Variants in CSMD2 observed in about 807,000 individuals in gnomAD.
CSMD2 encodes CUB and Sushi multiple domains 2.
CSMD2 carries 130 observed loss-of-function variants against 398.5 expected under a neutral mutation model. The ratio of observed to expected loss-of-function variants is 0.33; its 90% CI spans 0.28 to 0.38. The LOEUF is 0.38. Ranked by LOEUF, CSMD2 falls within the 10% of genes least tolerant of loss-of-function variation. The pLI is 1.00. For missense variants in CSMD2, 3,829 were observed against 4,764.9 expected (o/e 0.80, Z 5.78); for synonymous variants, 1,828 against 1,908.5 (o/e 0.96, Z 1.10).
chr1:33,757,791 CTCATAT>C (rs1193932313), intron 13 of CSMD2, among the ~76,000 whole-genome samples: 2 of 152,244 alleles, frequency 1.3e-5, no homozygotes, highest in African/African-American at 4.8e-5. Context: ...CTCCCTCGCT[CTCATAT>C]TCAATCAGTA....
intron 10 of CSMD2, among the ~76,000 whole-genome samples, chr1:33,794,815 G>A (rs1654749701): frequency 6.6e-6 from 1 of 152,052 alleles, no homozygotes; most frequent in South Asian, 2.1e-4. Flanking sequence ...CCTGTAGCAA[G>A]GTCTAGGTGA....
At chr1:33,920,542 CAAAAA>C (rs58865984) in intron 4 of CSMD2, among the ~76,000 whole-genome samples, 2 of 84,214 alleles carry the variant, frequency 2.4e-5, no homozygotes, top group African/African-American at 3.7e-5. Flanking sequence ...CAATCTGTCT[CAAAAA>C]AAAAAAAAAA....
At chr1:33,904,798 C>T (rs987349620) in intron 5 of CSMD2, among the ~76,000 whole-genome samples, 1 of 152,084 alleles carries the variant, frequency 6.6e-6, no homozygotes, top group Non-Finnish European at 1.5e-5. Flanking sequence ...AGTCGCCCAC[C>T]ACCATACCCA....
Position 33,724,648 on chromosome 1 carries a change from G to A in CSMD2, c.2752C>T (p.Arg918Cys). ...LDPGIPVNGQ[R>C]HGNDFYVGAL... ...CCCACGTAGAAGTCATTCCCATGAC[G>A]CTGTCCATTTACTGGGATTCCTGGA... The change falls in exon 18 of 71, where the codon CGT (arginine) becomes TGT (cysteine). Residue 918 changes from arginine (R) to cysteine (C), a missense_variant. Transcript: ENST00000373381. 6.2e-7 allele frequency: 1 copy of A among 1,614,162 alleles called. No individual in the cohort carries two copies. The highest frequency in any genetic ancestry group is 8.5e-7 in the Non-Finnish European group (1 of 1,180,038).
chr1:33,854,164 C>T (rs2125096677), intron 5 of CSMD2, among the ~76,000 whole-genome samples: 1 of 152,312 alleles, frequency 6.6e-6, no homozygotes, highest in South Asian at 2.1e-4. Flanking sequence ...GTTGCTAGGT[C>T]TGGTTTACTT....
chr1:34,021,671 A>G (rs1648905809), intron 3 of CSMD2, among the ~76,000 whole-genome samples: 2 of 152,224 alleles, frequency 1.3e-5, no homozygotes, highest in South Asian at 4.1e-4. Context: ...ATAGAGTTCA[A>G]TGCAGAAAAT....
intron 5 of CSMD2, among the ~76,000 whole-genome samples, chr1:33,895,937 AG>A (rs1642357941): frequency 1.3e-5 from 2 of 152,294 alleles, no homozygotes; most frequent in South Asian, 4.1e-4. Context: ...ACCTTGACCC[AG>A]TCCCTGATGA....
At chr1:33,889,752 C>CGTGT (rs1641855087) in intron 5 of CSMD2, among the ~76,000 whole-genome samples, 2 of 82,866 alleles carry the variant, frequency 2.4e-5, no homozygotes, top group East Asian at 8.2e-4. Context: ...CACCTCCTAT[C>CGTGT]CTGTGTGTGT....
intron 2 of CSMD2, among the ~76,000 whole-genome samples, chr1:34,054,444 A>G (rs2061843): frequency 0.5 from 75,497 of 152,070 alleles, 19,935 homozygotes; most frequent in East Asian, 0.73. Flanking sequence ...GTTTCTGGCC[A>G]GGTGCGGTGG....
chr1:33,571,227 A>T (rs1659566777), intron 51 of CSMD2, among the ~76,000 whole-genome samples: 1 of 152,168 alleles, frequency 6.6e-6, no homozygotes, highest in Admixed American at 6.5e-5. Context: ...TTTTATCTTC[A>T]AACCTCTACA....
intron 5 of CSMD2, chr1:33,873,452 T>C (rs368978549): frequency 4.6e-5 from 7 of 152,224 alleles, no homozygotes; most frequent in East Asian, 3.9e-4. Flanking sequence ...GAAAAAGTGA[T>C]AGAATGTCAC....
Position 33,546,065 on chromosome 1 carries a change from C to T in CSMD2, c.9072G>A (p.Ser3024=), listed in dbSNP as rs777542983. The T allele has an allele frequency of 2.7e-5, 43 of 1,613,142 alleles. 1 individual carries two copies. Among genetic ancestry groups the T allele is most frequent in the East Asian group, 1.8e-4 (8 of 44,838 alleles). ...SSERTCQANG[S]WSGSQPECGV... ...CACACTCAGGCTGCGAGCCGCTCCA[C>T]GAGCCATTGGCTTGACAGGTGCGCT... Residue 3024 remains serine, a synonymous_variant, in exon 57 of 71, where the codon TCG becomes TCA. Coordinates refer to ENST00000373381, the MANE Select transcript of CSMD2 (RefSeq NM_001281956.2).
chr1:33,685,324 T>A (rs2149078623), intron 25 of CSMD2, among the ~76,000 whole-genome samples: 1 of 152,336 alleles, frequency 6.6e-6, no homozygotes, highest in East Asian at 1.9e-4. Context: ...TGAAGCCAGC[T>A]TTAGTCCGTT....
intron 45 of CSMD2, 45 bp downstream of exon 45, chr1:33,587,043 C>T (rs761089393): frequency 4.6e-5 from 68 of 1,475,592 alleles, no homozygotes; most frequent in Non-Finnish European, 6.1e-5. Context: ...TCCCTTCCTT[C>T]CCCAGTCCTG....
intron 10 of CSMD2, among the ~76,000 whole-genome samples, chr1:33,793,787 T>C (rs529745439): frequency 7.9e-5 from 12 of 152,042 alleles, no homozygotes; most frequent in African/African-American, 2.9e-4. Context: ...TAGTGATATT[T>C]AGGGCTTTGA....
intron 1 of CSMD2, among the ~76,000 whole-genome samples, chr1:34,110,140 T>TGA (rs1660926699): frequency 6.8e-6 from 1 of 147,510 alleles, no homozygotes; most frequent in Non-Finnish European, 1.5e-5. Flanking sequence ...AAAATCACAA[T>TGA]GAGATACCAT....
intron 70 of CSMD2, among the ~76,000 whole-genome samples, chr1:33,517,563 C>G (rs1389381433): frequency 1.3e-5 from 2 of 152,148 alleles, no homozygotes; most frequent in Non-Finnish European, 2.9e-5. Flanking sequence ...TCTCTTTTGC[C>G]TTCTATTGAT....
intron 7 of CSMD2, among the ~76,000 whole-genome samples, chr1:33,822,421 C>A (rs915955496): frequency 6.6e-6 from 1 of 152,144 alleles, no homozygotes; most frequent in African/African-American, 2.4e-5. Flanking sequence ...GTTTAAACCT[C>A]CAGGTAGCCC....
rs139887518 is a variant in CSMD2 at position 33,625,203 on chromosome 1, T to A, written c.5348A>T (p.Tyr1783Phe). The change falls in exon 34 of 71, where the codon TAT (tyrosine) becomes TTT (phenylalanine). Residue 1783 changes from tyrosine (Y) to phenylalanine (F), a missense_variant. Physicochemically the swap from Tyr to Phe is conservative, Grantham distance 22. Transcript: ENST00000373381. ...TQCSSVPEPR[Y>F]GKRLGSDFSV... ...GAAGTCACTGCCCAGCCTCTTGCCATAGCGGGGTTCCGGCACAGAGCTGCA... is the reference window on the plus strand; with the variant it reads ...GAAGTCACTGCCCAGCCTCTTGCCAAAGCGGGGTTCCGGCACAGAGCTGCA... 14 of 1,611,944 alleles carry A rather than the reference T, an allele frequency of 8.7e-6. No individual in the cohort carries two copies. In the African/African-American group the frequency reaches 1.9e-4, roughly 22 times the overall value.
Sources: gnomAD v4.1 joint callset for allele counts (sites outside exome capture counted in the v4.1 genomes callset) on GRCh38, gnomAD v4.1.1 for gene constraint, MANE v1.5 for transcripts, NCBI Gene and HGNC (gene_info 2026-07-23, HGNC 2026-07-21) for gene names.